HNF4A: variants seen among roughly 807,000 people sequenced by gnomAD.
The protein encoded by HNF4A is hepatocyte nuclear factor 4 alpha, also known as hepatocyte nuclear factor 4-alpha.
HNF4A carries 15 observed loss-of-function variants against 52.4 expected under a neutral mutation model. That is an observed-to-expected ratio of 0.29 (90% CI 0.19 to 0.44). The LOEUF (loss-of-function observed/expected upper bound fraction) is 0.44. HNF4A is among the 20% of genes least tolerant of loss of function. HNF4A has a pLI of 1.00. For synonymous variants in HNF4A, 280 were observed against 264.4 expected (o/e 1.06, Z -0.57); for missense variants, 479 against 647.2 (o/e 0.74, Z 2.82).
intron 2 of HNF4A, 111 bp downstream of exon 2, chr20:44,406,343 C>A: frequency 1.1e-6 from 1 of 882,410 alleles, no homozygotes. Context: ...CCCTTCAGGG[C>A]CTTCAAGGCT....
At position 44,401,316 on chromosome 20, in the gene HNF4A, G is replaced by A. The variant is rs2063404329; in HGVS notation, c.-57G>A. On this transcript the variant is annotated 5_prime_UTR_variant, in exon 1 of 10. Transcript: ENST00000316099. ...GGCAGTGGGAGGGCGGAGGGCGGGGGCCTTCGGGGTGGGCGCCCAGGGTAG... is the reference window on the plus strand; with the variant it reads ...GGCAGTGGGAGGGCGGAGGGCGGGGACCTTCGGGGTGGGCGCCCAGGGTAG... The A allele has an allele frequency of 3.2e-6, 5 of 1,548,196 alleles. No homozygotes were observed. In the Admixed American group the frequency reaches 5.0e-5, roughly 16 times the overall value.
chr20:44,399,435 C>T (rs2146333237), upstream of HNF4A, among the ~76,000 whole-genome samples: 2 of 152,192 alleles, frequency 1.3e-5, no homozygotes, highest in Middle Eastern at 6.8e-3. Context: ...AACAGTTGCT[C>T]CCTCTCCCCT....
chr20:44,425,973 T>C (rs971693112), intron 8 of HNF4A, among the ~76,000 whole-genome samples: 47 of 152,138 alleles, frequency 3.1e-4, no homozygotes, highest in African/African-American at 1.1e-3. Flanking sequence ...TTGTGGACTT[T>C]CATTAAGCAT....
intron 5 of HNF4A, among the ~76,000 whole-genome samples, chr20:44,415,554 G>T (rs1017864909): frequency 1.3e-4 from 20 of 152,278 alleles, no homozygotes; most frequent in Non-Finnish European, 2.8e-4. Flanking sequence ...AGAGGAGCTG[G>T]GCTGGGCCAC....
At chr20:44,363,582 A>C (rs1029541444) in intron 1 of HNF4A, among the ~76,000 whole-genome samples, 1 of 151,768 alleles carries the variant, frequency 6.6e-6, no homozygotes, top group African/African-American at 2.4e-5. Flanking sequence ...GGCAGATGAG[A>C]GGCATAGAAA....
At chr20:44,412,057 G>GAA (rs11426408) in intron 3 of HNF4A, among the ~76,000 whole-genome samples, 22,058 of 144,938 alleles carry the variant, frequency 0.15, 1,992 homozygotes, top group Non-Finnish European at 0.21. Flanking sequence ...ACCCCATCTC[G>GAA]AAAAAAAAAA....
intron 1 of HNF4A, among the ~76,000 whole-genome samples, chr20:44,387,159 T>C (rs895620112): frequency 1.3e-5 from 2 of 151,382 alleles, no homozygotes; most frequent in African/African-American, 2.4e-5. Flanking sequence ...AAAAATTAGC[T>C]GGGTGTGGAT....
chr20:44,416,039 C>T (rs2063659189), intron 5 of HNF4A, among the ~76,000 whole-genome samples: 1 of 152,176 alleles, frequency 6.6e-6, no homozygotes, highest in Admixed American at 6.5e-5. Flanking sequence ...CGATTTCCCA[C>T]CCAAACCTCC....
At chr20:44,412,527 G>A (rs1018998568) in intron 3 of HNF4A, among the ~76,000 whole-genome samples, 6 of 152,146 alleles carry the variant, frequency 3.9e-5, no homozygotes, top group African/African-American at 7.2e-5. Flanking sequence ...TAAAAGGTGC[G>A]ATCCGAGAGG....
chr20:44,415,488 G>A (rs948901278), intron 5 of HNF4A, among the ~76,000 whole-genome samples: 1 of 152,198 alleles, frequency 6.6e-6, no homozygotes, highest in African/African-American at 2.4e-5. Flanking sequence ...TGCCACCTAT[G>A]AAGCTCCTGC....
At chr20:44,394,035 G>A (rs961943898) in intron 1 of HNF4A, among the ~76,000 whole-genome samples, 12 of 152,130 alleles carry the variant, frequency 7.9e-5, no homozygotes, top group African/African-American at 2.9e-4. Flanking sequence ...CGTAGTCTCC[G>A]GTTTGCAGTG....
chr20:44,418,870 C>T (rs573473633), intron 6 of HNF4A, among the ~76,000 whole-genome samples: 28 of 152,258 alleles, frequency 1.8e-4, no homozygotes, highest in Non-Finnish European at 1.5e-5. Context: ...CCACCCGCCA[C>T]GTTCAAGCAA....
intron 7 of HNF4A, 68 bp from the exon 8 acceptor site, chr20:44,423,950 G>A (rs2063781988): frequency 2.7e-6 from 4 of 1,490,236 alleles, no homozygotes; most frequent in Non-Finnish European, 3.7e-6. Flanking sequence ...GGGACATCTG[G>A]GTCTTGACTC....
chr20:44,376,401 A>G (rs889459707), intron 1 of HNF4A, among the ~76,000 whole-genome samples: 1 of 152,186 alleles, frequency 6.6e-6, no homozygotes, highest in Non-Finnish European at 1.5e-5. Context: ...ATGTAGGAAG[A>G]TGGTTGACTT....
chr20:44,378,088 T>C (rs2063105455), intron 1 of HNF4A, among the ~76,000 whole-genome samples: 1 of 152,234 alleles, frequency 6.6e-6, no homozygotes, highest in Admixed American at 6.5e-5. Flanking sequence ...AAAATTATGC[T>C]TCACTTTCAA....
chr20:44,368,160 A>ATATATATATATATATATTTTTTT, intron 1 of HNF4A, among the ~76,000 whole-genome samples: 1 of 27,780 alleles, frequency 3.6e-5, no homozygotes, highest in East Asian at 1.2e-3. Flanking sequence ...ATATATATAT[A>ATATATATATATATATATTTTTTT]TTTTTTTTTT....
chr20:44,395,978 C>T (rs6031583), intron 1 of HNF4A, among the ~76,000 whole-genome samples: 39 of 152,256 alleles, frequency 2.6e-4, no homozygotes, highest in African/African-American at 9.1e-4. Context: ...GCCTATACCC[C>T]GGGATAAGGT....
intron 3 of HNF4A, among the ~76,000 whole-genome samples, chr20:44,412,578 G>A (rs1171802630): frequency 1.3e-5 from 2 of 152,244 alleles, no homozygotes; most frequent in Admixed American, 6.5e-5. Flanking sequence ...GGAAGGCACT[G>A]GTTTTGAGCA....
intron 1 of HNF4A, among the ~76,000 whole-genome samples, chr20:44,358,362 C>A (rs2062881413): frequency 6.6e-6 from 1 of 152,076 alleles, no homozygotes; most frequent in Non-Finnish European, 1.5e-5. Flanking sequence ...GTAATCCCAG[C>A]ACTTTGGGAG....
Sources: allele counts gnomAD v4.1 joint callset (sites outside exome capture counted in the v4.1 genomes callset), GRCh38; gene constraint gnomAD v4.1.1; transcripts MANE v1.5; gene names NCBI Gene and HGNC (gene_info 2026-07-23, HGNC 2026-07-21).